AGAP1: variants seen among roughly 807,000 people sequenced by gnomAD.
The protein encoded by AGAP1 is ArfGAP with GTPase domain, ankyrin repeat and PH domain 1, also known as arf-GAP with GTPase, ANK repeat and PH domain-containing protein 1.
A neutral mutation model predicts 105.3 loss-of-function variants in AGAP1; 29 were observed. That is an observed-to-expected ratio of 0.28 (90% confidence interval 0.21 to 0.38). The LOEUF is 0.38. Ranked by LOEUF, AGAP1 falls within the 10% of genes least tolerant of loss-of-function variation. AGAP1 has a pLI of 1.00. For missense variants in AGAP1, 998 were observed against 1,165.1 expected (o/e 0.86, Z 2.09); for synonymous variants, 509 against 485.9 (o/e 1.05, Z -0.63).
intron 9 of AGAP1, among the ~76,000 whole-genome samples, chr2:235,811,175 A>G (rs1958117816): frequency 6.6e-6 from 1 of 151,732 alleles, no homozygotes; most frequent in Non-Finnish European, 1.5e-5. Context: ...GCATTTTTTA[A>G]TCTCTATATT....
Position 235,957,314 on chromosome 2 carries a change from A to G in AGAP1, c.1484-11148A>G, listed in dbSNP as rs933773737. Among the ~76,000 whole-genome samples, 5 of 152,298 alleles carry G rather than the reference A, an allele frequency of 3.3e-5. No individual in the cohort carries two copies. The highest frequency in any genetic ancestry group is 1.2e-4 in the African/African-American group (5 of 41,572). ...TAATTGAAAATGGCCCAAGTAGGCA[A>G]TTCTTCTCTCCTGTGTGTTCTCTTG... On this transcript the variant is annotated intron_variant, in intron 12 of 17. Coordinates refer to ENST00000304032, the MANE Select transcript of AGAP1 (RefSeq NM_001037131.3). The surrounding 1 kb of genome is among the most constrained non-coding windows in gnomAD (Gnocchi z 4.6).
At chr2:235,521,751 T>C (rs1235516960) in intron 1 of AGAP1, among the ~76,000 whole-genome samples, 1 of 140,854 alleles carries the variant, frequency 7.1e-6, no homozygotes, top group African/African-American at 2.5e-5. Context: ...TATGTGTGTG[T>C]GTGTGTGTGT....
intron 9 of AGAP1, among the ~76,000 whole-genome samples, chr2:235,868,352 G>A (rs1043307075): frequency 5.9e-5 from 9 of 152,140 alleles, no homozygotes; most frequent in Admixed American, 1.3e-4. Context: ...CACGTGCACC[G>A]TCCTTTACAT....
intron 1 of AGAP1, among the ~76,000 whole-genome samples, chr2:235,572,808 G>C (rs772537276): frequency 1.3e-5 from 2 of 152,178 alleles, no homozygotes; most frequent in Admixed American, 6.5e-5. Context: ...TGTGCTCAGC[G>C]TGTGCCCAGC....
chr2:235,564,103 T>C (rs1003641125), intron 1 of AGAP1, among the ~76,000 whole-genome samples: 2 of 152,204 alleles, frequency 1.3e-5, no homozygotes, highest in Admixed American at 6.5e-5. Flanking sequence ...CAATTAGCTT[T>C]TGTCAATGTA....
intron 1 of AGAP1, among the ~76,000 whole-genome samples, chr2:235,682,006 C>G (rs566853031): frequency 6.6e-6 from 1 of 151,806 alleles, no homozygotes; most frequent in East Asian, 1.9e-4. Context: ...TCCGCCACCA[C>G]GCCCAGCTAA....
At chr2:235,560,559 G>A (rs971013457) in intron 1 of AGAP1, among the ~76,000 whole-genome samples, 7 of 152,300 alleles carry the variant, frequency 4.6e-5, no homozygotes, top group Middle Eastern at 3.4e-3. Flanking sequence ...AAGTAGAAGA[G>A]GGAAGTGAAA....
In AGAP1 at chr2:235,712,680, C is replaced by T. The variant is rs1950912945; in HGVS notation, c.222+3443C>T. On this transcript the variant is annotated intron_variant, in intron 2 of 17. Coordinates refer to ENST00000304032, the MANE Select transcript of AGAP1 (RefSeq NM_001037131.3). The surrounding 1 kb of genome is among the most constrained non-coding windows in gnomAD (Gnocchi z 6.0). The stretch of plus-strand genomic sequence containing the variant: ...AGGGCCGAGTATGGGTTCCAACGCA[C>T]TTCATGTGCCTGCACAGACGGTGAC... Among the ~76,000 whole-genome samples the T allele has an allele frequency of 6.6e-6, 1 of 152,232 alleles. No homozygotes were observed. The highest frequency in any genetic ancestry group is 6.5e-5 in the Admixed American group (1 of 15,286).
intron 6 of AGAP1, among the ~76,000 whole-genome samples, chr2:235,778,089 T>A (rs1956017827): frequency 6.6e-6 from 1 of 152,036 alleles, no homozygotes; most frequent in Admixed American, 6.5e-5. Flanking sequence ...ATATCAGCTG[T>A]GTCCTTGACA....
At chr2:235,673,170 C>T (rs1034121651) in intron 1 of AGAP1, among the ~76,000 whole-genome samples, 3 of 152,170 alleles carry the variant, frequency 2.0e-5, no homozygotes, top group South Asian at 2.1e-4. Flanking sequence ...TTGGTGATGC[C>T]AGTGTCTGTT....
chr2:235,839,683 G>A (rs183162252), intron 9 of AGAP1, among the ~76,000 whole-genome samples: 2 of 152,180 alleles, frequency 1.3e-5, no homozygotes, highest in Non-Finnish European at 2.9e-5. Context: ...TTTTCCCAGC[G>A]AGTTCGTTTC....
rs577142162 is a variant in AGAP1, at chr2:235,715,833, C to G, written c.223-1724C>G. Among the ~76,000 whole-genome samples, 16 of 152,226 alleles carry G rather than the reference C, an allele frequency of 1.1e-4. 1 individual carries two copies. The South Asian group carries it at 2.3e-3, about 22-fold the overall frequency. ...AGGGAGCGGACTCCCTGACTTCCAG[C>G]CACTGGGAGTCGGGGATGGCCTCCA... On this transcript the variant is annotated intron_variant, in intron 2 of 17. Transcript: ENST00000304032.
At chr2:235,926,146 A>G (rs528028139) in intron 11 of AGAP1, among the ~76,000 whole-genome samples, 1 of 152,362 alleles carries the variant, frequency 6.6e-6, no homozygotes, top group South Asian at 2.1e-4. Flanking sequence ...TTAGTTAATG[A>G]CATTCATTCA....
rs1275887084 is a variant in AGAP1 at position 236,125,724 on chromosome 2, G to C, written c.*1602G>C. On this transcript the variant is annotated 3_prime_UTR_variant, in exon 18 of 18. Transcript: ENST00000304032. This position sits in a 1 kb window ranked among gnomAD's most constrained non-coding sequence, Gnocchi z 5.2. ...CCTGGCAGCCCGGCCCTCCACGCTA[G>C]TACCTCGCCTGATTTTCCATCGTTG... 1 of 152,226 alleles carries C rather than the reference G, an allele frequency of 6.6e-6. No homozygotes were observed. Among genetic ancestry groups the C allele is most frequent in the Admixed American group, 6.5e-5 (1 of 15,288 alleles). The allele number at this position is 152,226 out of a possible 1,614,324, so 9.4% of individuals were successfully genotyped here. A position where few individuals can be genotyped will look rare whatever the true frequency, so the allele number is the denominator to read the frequency against.
In AGAP1 at chr2:235,927,447, C is replaced by T. The variant is rs1027279366; in HGVS notation, c.1325-3318C>T. ...AGTTTGAAAACCAGTACATTCACAG[C>T]AGCATTCACAGCAGAGTCCTGTTGT... On this transcript the variant is annotated intron_variant, in intron 11 of 17. Transcript: ENST00000304032. The surrounding 1 kb of genome is among the most constrained non-coding windows in gnomAD (Gnocchi z 4.4). 2.0e-5 allele frequency among the ~76,000 whole-genome samples: 3 copies of T among 152,176 alleles called. No homozygotes were observed. The highest frequency in any genetic ancestry group is 4.4e-5 in the Non-Finnish European group (3 of 68,020).
intron 16 of AGAP1, among the ~76,000 whole-genome samples, chr2:236,066,537 A>G (rs1467815856): frequency 1.3e-5 from 2 of 152,138 alleles, no homozygotes; most frequent in African/African-American, 4.8e-5. Context: ...AATTACTAGA[A>G]TTTTGAATAC....
intron 1 of AGAP1, among the ~76,000 whole-genome samples, chr2:235,592,984 C>T (rs563477107): frequency 5.3e-5 from 8 of 152,164 alleles, no homozygotes; most frequent in Admixed American, 2.0e-4. Flanking sequence ...GGACGGTGGC[C>T]GGGAGGGCTG....
At position 235,893,843 on chromosome 2, in the gene AGAP1, A is replaced by T. The variant is rs546748976; in HGVS notation, c.1155+10394A>T. ...ACTCCTTCAGCATCTTTGCTCCTGA[A>T]CTTCCTGGACTCCAGCCCTCAACAT... On this transcript the variant is annotated intron_variant, in intron 10 of 17. Coordinates refer to ENST00000304032, the MANE Select transcript of AGAP1 (RefSeq NM_001037131.3). The surrounding 1 kb of genome is among the most constrained non-coding windows in gnomAD (Gnocchi z 4.7). Among the ~76,000 whole-genome samples, 1 of 152,038 alleles carries T rather than the reference A, an allele frequency of 6.6e-6. No individual in the cohort carries two copies. The highest frequency in any genetic ancestry group is 1.9e-4 in the East Asian group (1 of 5,162).
At chr2:235,837,078 G>A (rs187210416) in intron 9 of AGAP1, among the ~76,000 whole-genome samples, 47 of 152,218 alleles carry the variant, frequency 3.1e-4, no homozygotes, top group South Asian at 1.5e-3. Context: ...CTCCGCCTCC[G>A]GGGTTCAAGA....
Sources: gnomAD v4.1 joint callset for allele counts (sites outside exome capture counted in the v4.1 genomes callset) on GRCh38, gnomAD v4.1.1 for gene constraint, Gnocchi (gnomAD v3.1) non-coding constraint, MANE v1.5 for transcripts, NCBI Gene and HGNC (gene_info 2026-07-23, HGNC 2026-07-21) for gene names.